AGBL4: variants seen among roughly 807,000 people sequenced by gnomAD.
The protein encoded by AGBL4 is AGBL carboxypeptidase 4, also known as cytosolic carboxypeptidase 6.
AGBL4 carries 58 observed loss-of-function variants against 66.4 expected under a neutral mutation model. The observed-to-expected ratio is 0.87, with a 90% confidence interval of 0.71 to 1.09. The LOEUF (loss-of-function observed/expected upper bound fraction) is 1.09. Among genes scored for constraint, AGBL4 ranks in the 50% least tolerant of loss-of-function variants. The pLI, the probability that AGBL4 is intolerant of heterozygous loss-of-function variation, is 0.00. For synonymous variants in AGBL4, 234 were observed against 222.9 expected (o/e 1.05, Z -0.44); for missense variants, 579 against 631.0 (o/e 0.92, Z 0.88).
At chr1:49,000,531 T>A (rs1661322821) in intron 5 of AGBL4, among the ~76,000 whole-genome samples, 1 of 152,196 alleles carries the variant, frequency 6.6e-6, no homozygotes, top group African/African-American at 2.4e-5. Flanking sequence ...AGTTTTCTAA[T>A]ATGTAAAATT....
intron 3 of AGBL4, among the ~76,000 whole-genome samples, chr1:49,298,956 C>T (rs895555910): frequency 6.6e-6 from 1 of 152,118 alleles, no homozygotes; most frequent in Non-Finnish European, 1.5e-5. Context: ...TTTGCCCACA[C>T]CCTTCCCTCA....
At chr1:49,261,168 A>G (rs1368574640) in intron 3 of AGBL4, among the ~76,000 whole-genome samples, 1 of 151,894 alleles carries the variant, frequency 6.6e-6, no homozygotes, top group East Asian at 1.9e-4. Context: ...TCAAAATAAT[A>G]AGAGCTATCT....
chr1:48,712,234 T>G (rs922960709), intron 6 of AGBL4, among the ~76,000 whole-genome samples: 3 of 152,200 alleles, frequency 2.0e-5, no homozygotes, highest in Non-Finnish European at 2.9e-5. Flanking sequence ...CACAAACCTG[T>G]GTTGAGAAGT....
At chr1:48,837,457 G>A (rs1267691763) in intron 6 of AGBL4, among the ~76,000 whole-genome samples, 1 of 151,700 alleles carries the variant, frequency 6.6e-6, no homozygotes, top group Non-Finnish European at 1.5e-5. Context: ...AGGTGCCAGT[G>A]CAGCTAGGAT....
At chr1:49,156,688 A>C (rs2148130442) in intron 4 of AGBL4, among the ~76,000 whole-genome samples, 1 of 152,254 alleles carries the variant, frequency 6.6e-6, no homozygotes, top group South Asian at 2.1e-4. Context: ...CCAAGATAGA[A>C]CCCATCATAT....
intron 1 of AGBL4, among the ~76,000 whole-genome samples, chr1:49,868,877 C>T (rs1045508211): frequency 7.9e-5 from 12 of 152,020 alleles, no homozygotes; most frequent in South Asian, 2.1e-4. Flanking sequence ...TATCTAATAC[C>T]CAGAATATAT....
chr1:49,568,134 G>A (rs1048981634), intron 3 of AGBL4, among the ~76,000 whole-genome samples: 1 of 151,918 alleles, frequency 6.6e-6, no homozygotes, highest in Non-Finnish European at 1.5e-5. Context: ...TGGAATACCT[G>A]GCCAGAGCAA....
At chr1:48,867,336 G>A (rs1292774288) in intron 5 of AGBL4, 106 bp from the exon 6 acceptor site, 1 of 1,116,982 alleles carries the variant, frequency 9.0e-7, no homozygotes, top group Non-Finnish European at 1.3e-6. Flanking sequence ...CATACTGCAG[G>A]GTAAATCATA....
chr1:49,592,445 C>T (rs1278158986), intron 3 of AGBL4, among the ~76,000 whole-genome samples: 1 of 152,118 alleles, frequency 6.6e-6, no homozygotes, highest in African/African-American at 2.4e-5. Flanking sequence ...TGGCAGGCAC[C>T]TGTAATCCTA....
intron 3 of AGBL4, among the ~76,000 whole-genome samples, chr1:49,658,665 A>G (rs2124481564): frequency 6.6e-6 from 1 of 152,324 alleles, no homozygotes; most frequent in South Asian, 2.1e-4. Context: ...ACACCATGGA[A>G]TACTATGCAG....
At chr1:48,649,379 T>A (rs1010707084) in intron 8 of AGBL4, among the ~76,000 whole-genome samples, 1 of 152,256 alleles carries the variant, frequency 6.6e-6, no homozygotes, top group African/African-American at 2.4e-5. Flanking sequence ...GAGTGTATAG[T>A]TGCTCTGTGC....
At chr1:48,587,398 A>G (rs969327670) in intron 10 of AGBL4, among the ~76,000 whole-genome samples, 1 of 151,994 alleles carries the variant, frequency 6.6e-6, no homozygotes, top group Admixed American at 6.6e-5. Flanking sequence ...TGGAAAAATG[A>G]ATGGAGAGAG....
At chr1:49,551,621 T>G (rs891320423) in intron 3 of AGBL4, among the ~76,000 whole-genome samples, 1 of 152,240 alleles carries the variant, frequency 6.6e-6, no homozygotes, top group Non-Finnish European at 1.5e-5. Flanking sequence ...TACTGGGGGT[T>G]GTCTGTACAG....
At chr1:48,610,911 G>A (rs1182124679) in intron 9 of AGBL4, among the ~76,000 whole-genome samples, 5 of 152,284 alleles carry the variant, frequency 3.3e-5, no homozygotes. Context: ...CAACTGAACA[G>A]CATTCAATAT....
chr1:49,921,039 A>G (rs2148239548), intron 1 of AGBL4, among the ~76,000 whole-genome samples: 1 of 152,288 alleles, frequency 6.6e-6, no homozygotes, highest in South Asian at 2.1e-4. Flanking sequence ...GAACTGAACA[A>G]TGAGAACACT....
chr1:49,116,227 T>G (rs1465073891), intron 4 of AGBL4, among the ~76,000 whole-genome samples: 10 of 152,178 alleles, frequency 6.6e-5, no homozygotes, highest in Non-Finnish European at 1.5e-5. Context: ...TTTTTAAAAT[T>G]TTTTTATTAT....
chr1:49,444,697 A>G (rs76329823), intron 3 of AGBL4, among the ~76,000 whole-genome samples: 5,433 of 152,074 alleles, frequency 0.036, 138 homozygotes, highest in East Asian at 0.057. Context: ...TGTAAGCAGC[A>G]TATAGTTGGA....
intron 3 of AGBL4, among the ~76,000 whole-genome samples, chr1:49,678,318 T>G (rs754346296): frequency 6.6e-6 from 1 of 152,126 alleles, no homozygotes; most frequent in Non-Finnish European, 1.5e-5. Context: ...TCCTATTTCA[T>G]TCCTAATATT....
chr1:48,853,298 C>T (rs1647073514), intron 6 of AGBL4, among the ~76,000 whole-genome samples: 1 of 152,208 alleles, frequency 6.6e-6, no homozygotes, highest in Non-Finnish European at 1.5e-5. Context: ...GACATCTTAA[C>T]TATAACCTCA....
Sources: allele counts gnomAD v4.1 joint callset (sites outside exome capture counted in the v4.1 genomes callset), GRCh38; gene constraint gnomAD v4.1.1; transcripts MANE v1.5; gene names NCBI Gene and HGNC (gene_info 2026-07-23, HGNC 2026-07-21).